The following IVNS1ABP variants were observed in gnomAD, a reference collection of about 807,000 sequenced individuals.
IVNS1ABP encodes the protein influenza virus NS1A-binding protein.
In IVNS1ABP, 25 loss-of-function variants were observed where a neutral mutation model predicts 78.9. The ratio of observed to expected loss-of-function variants is 0.32; its 90% confidence interval spans 0.23 to 0.44. IVNS1ABP has a LOEUF of 0.44. Ranked by LOEUF, IVNS1ABP falls within the 20% of genes least tolerant of loss-of-function variation. The pLI is 1.00. For missense variants in IVNS1ABP, 494 were observed against 768.9 expected, an observed-to-expected ratio of 0.64 and a Z score of 4.23; for synonymous variants, 241 against 259.7, an observed-to-expected ratio of 0.93 and a Z score of 0.69.
chr1:185,310,735 CATG>C (rs1243427854), intron 2 of IVNS1ABP, among the ~76,000 whole-genome samples: 4 of 151,848 alleles, frequency 2.6e-5, no homozygotes, highest in Non-Finnish European at 4.4e-5. Flanking sequence ...ATTAGGCAGT[CATG>C]GTGGTGGCGC....
At chr1:185,301,736 T>A in intron 8 of IVNS1ABP, 173 bp from the exon 9 acceptor site, 1 of 580,164 alleles carries the variant, frequency 1.7e-6, no homozygotes, top group Non-Finnish European at 3.0e-6. Context: ...CTGGCATACT[T>A]CCATCTCCAC....
In IVNS1ABP at chr1:185,305,377, C is replaced by G; in HGVS notation, c.765+159G>C. The G allele has an allele frequency of 3.2e-6, 1 of 309,294 alleles. No individual in the cohort carries two copies. Among genetic ancestry groups the G allele is most frequent in the Non-Finnish European group, 4.7e-6 (1 of 211,984 alleles). The allele number at this position is 309,294 out of a possible 1,614,324, so 19.2% of individuals were successfully genotyped here. On this transcript the variant is annotated intron_variant, in intron 8 of 14. Coordinates refer to ENST00000367498, the MANE Select transcript of IVNS1ABP (RefSeq NM_006469.5). This position sits in a 1 kb window ranked among gnomAD's most constrained non-coding sequence, Gnocchi z 4.0. The stretch of plus-strand genomic sequence containing the variant: ...AATATCTTTTCATGTGGCAAAAATA[C>G]TAACTCTAAGATATGCTTGTTTTCT...
chr1:185,317,081 A>C lies in IVNS1ABP; in HGVS notation c.-375T>G. On this transcript the variant is annotated 5_prime_UTR_variant, in exon 1 of 15. Transcript: ENST00000367498. Reference sequence around the variant, plus strand: ...CGGAAGACGGGAGCGGTCAAGTAGAAGGACGAGGGGCCAGTCCGTGGAGAC... The same window carrying C: ...CGGAAGACGGGAGCGGTCAAGTAGACGGACGAGGGGCCAGTCCGTGGAGAC... 2.5e-6 allele frequency: 1 copy of C among 398,628 alleles called. No individual in the cohort carries two copies. 24.7% of individuals were successfully genotyped at this position (398,628 alleles called of 1,614,324 possible). A position where few individuals can be genotyped will look rare whatever the true frequency, so the allele number is the denominator to read the frequency against.
At chr1:185,315,733 C>A (rs1665999684) in intron 1 of IVNS1ABP, among the ~76,000 whole-genome samples, 1 of 152,182 alleles carries the variant, frequency 6.6e-6, no homozygotes, top group South Asian at 2.1e-4. Flanking sequence ...CTAAATCAAT[C>A]ACTGGTGCTA....
Position 185,308,780 on chromosome 1 carries a change from A to G in IVNS1ABP, c.357+20T>C. ...AAAATAAGACTCCATAAATGATTTT[A>G]TTTACTTCTGATACTCTACCTGCTT... On this transcript the variant is annotated intron_variant, in intron 5 of 14. Transcript: ENST00000367498. The G allele has an allele frequency of 6.4e-7, 1 of 1,563,616 alleles. No individual in the cohort carries two copies. The highest frequency in any genetic ancestry group is 1.1e-5 in the South Asian group (1 of 87,218).
intron 1 of IVNS1ABP, among the ~76,000 whole-genome samples, chr1:185,313,223 ATAT>A (rs1285223881): frequency 2.6e-5 from 4 of 152,196 alleles, no homozygotes; most frequent in African/African-American, 9.6e-5. Context: ...AATTTGTACA[ATAT>A]TATTATGAGT....
intron 11 of IVNS1ABP, 42 bp from the exon 12 acceptor site, chr1:185,300,385 GT>G: frequency 6.2e-7 from 1 of 1,613,412 alleles, no homozygotes; most frequent in Non-Finnish European, 8.5e-7. Context: ...ACATCCTGAA[GT>G]TACGAGGAAA....
intron 1 of IVNS1ABP, among the ~76,000 whole-genome samples, chr1:185,313,628 A>G (rs1002180635): frequency 6.6e-6 from 1 of 152,194 alleles, no homozygotes; most frequent in Admixed American, 6.5e-5. Flanking sequence ...TATTTGGTCT[A>G]TAAAACTCAA....
chr1:185,314,866 G>A (rs552731995), intron 1 of IVNS1ABP, among the ~76,000 whole-genome samples: 3 of 152,256 alleles, frequency 2.0e-5, no homozygotes, highest in African/African-American at 7.2e-5. Flanking sequence ...GAGAAGGGAA[G>A]GAAGGAAAGG....
intron 8 of IVNS1ABP, among the ~76,000 whole-genome samples, chr1:185,302,857 T>C (rs1173087979): frequency 6.6e-6 from 1 of 152,030 alleles, no homozygotes; most frequent in East Asian, 1.9e-4. Flanking sequence ...CCCAAGGCAA[T>C]ACAACTAAAA....
Position 185,308,880 on chromosome 1 carries a change from T to C in IVNS1ABP, c.282-5A>G. 6.2e-7 allele frequency: 1 copy of C among 1,602,084 alleles called. No individual in the cohort carries two copies. Among genetic ancestry groups the C allele is most frequent in the Non-Finnish European group, 8.5e-7 (1 of 1,176,442 alleles). ...AATTCCTTATCTGCTTTCAACCTAT[T>C]TAAAAAAAAAGTTACTTATGATACC... is the stretch of plus-strand genomic sequence containing the variant. On this transcript the variant is annotated splice_polypyrimidine_tract_variant and splice_region_variant and intron_variant, in intron 4 of 14. Transcript: ENST00000367498.
Position 185,307,594 on chromosome 1 carries a change from A to G in IVNS1ABP, c.426T>C (p.Ser142=), listed in dbSNP as rs1665772052. The G allele has an allele frequency of 1.2e-6, 2 of 1,613,566 alleles. No homozygotes were observed. Among genetic ancestry groups the G allele is most frequent in the East Asian group, 4.5e-5 (2 of 44,856 alleles). The part of the protein sequence containing the change: ...TSCISYRNFA[S]CMGDSRLLNK... ...TCAACAAACGGGAGTCTCCCATACA[A>G]CTTGCAAAATTTCGGTAAGAGATGC... is the stretch of plus-strand genomic sequence containing the variant. The change falls in exon 6 of 15, where the codon AGT becomes AGC. Residue 142 remains serine (S), a synonymous_variant. Transcript: ENST00000367498.
At position 185,305,419 on chromosome 1, in the gene IVNS1ABP, T is replaced by C; in HGVS notation, c.765+117A>G. 1 of 1,063,808 alleles carries C rather than the reference T, an allele frequency of 9.4e-7. No homozygotes were observed. The highest frequency in any genetic ancestry group is 1.4e-6 in the Non-Finnish European group (1 of 738,646). 65.9% of individuals were successfully genotyped at this position (1,063,808 alleles called of 1,614,324 possible). A position where few individuals can be genotyped will look rare whatever the true frequency, so the allele number is the denominator to read the frequency against. ...TTGTTTTCTCCCAAAAATGTTTCTGTCCAGTTATACCAATGAAATTGGTCC... is the reference window on the plus strand; with the variant it reads ...TTGTTTTCTCCCAAAAATGTTTCTGCCCAGTTATACCAATGAAATTGGTCC... On this transcript the variant is annotated intron_variant, in intron 8 of 14. Coordinates refer to ENST00000367498, the MANE Select transcript of IVNS1ABP (RefSeq NM_006469.5). The surrounding 1 kb of genome is among the most constrained non-coding windows in gnomAD (Gnocchi z 4.0).
intron 7 of IVNS1ABP, 127 bp downstream of exon 7, chr1:185,306,886 AG>A (rs1665752715): frequency 1.0e-6 from 1 of 999,680 alleles, no homozygotes; most frequent in African/African-American, 1.6e-5. Flanking sequence ...TTCTCAGCTT[AG>A]GGGTACCTAT....
intron 8 of IVNS1ABP, among the ~76,000 whole-genome samples, chr1:185,302,262 A>C (rs1665621347): frequency 6.6e-6 from 1 of 152,182 alleles, no homozygotes; most frequent in Admixed American, 6.5e-5. Context: ...AGAAATGAAC[A>C]AAGCTGCCAA....
Position 185,301,579 on chromosome 1 carries a change from G to T in IVNS1ABP, c.766-16C>A. The T allele has an allele frequency of 6.2e-7, 1 of 1,612,256 alleles. No individual in the cohort carries two copies. ...GTGGCTTTTTCTGCAAAATCAAAAG[G>T]TAGCTACAGAAACCTAGCCAAAGAC... On this transcript the variant is annotated splice_polypyrimidine_tract_variant and intron_variant, in intron 8 of 14. Coordinates refer to ENST00000367498, the MANE Select transcript of IVNS1ABP (RefSeq NM_006469.5).
rs552445139 is a variant in IVNS1ABP at position 185,304,221 on chromosome 1, G to A, written c.765+1315C>T. ...GTATTGTTTTGCCCACTCTTAGAAG[G>A]TCCTACAAGCAGAAACTGTCTCTTA... On this transcript the variant is annotated intron_variant, in intron 8 of 14. Transcript: ENST00000367498. 1.6e-4 allele frequency among the ~76,000 whole-genome samples: 25 copies of A among 152,062 alleles called. No homozygotes were observed. In the South Asian group the frequency reaches 5.0e-3, roughly 30 times the overall value.
At chr1:185,314,885 G>A (rs918201951) in intron 1 of IVNS1ABP, among the ~76,000 whole-genome samples, 3 of 151,936 alleles carry the variant, frequency 2.0e-5, no homozygotes, top group Non-Finnish European at 4.4e-5. Context: ...GGAAGAATTT[G>A]GTTTGAGACG....
chr1:185,315,966 C>G (rs1470701027), intron 1 of IVNS1ABP, among the ~76,000 whole-genome samples: 1 of 152,150 alleles, frequency 6.6e-6, no homozygotes, highest in Non-Finnish European at 1.5e-5. Context: ...CTTGAAATGT[C>G]AGCTGTCTCA....
Sources: allele counts gnomAD v4.1 joint callset (sites outside exome capture counted in the v4.1 genomes callset), GRCh38; gene constraint gnomAD v4.1.1; non-coding constraint Gnocchi (gnomAD v3.1); transcripts MANE v1.5; gene names NCBI Gene and HGNC (gene_info 2026-07-23, HGNC 2026-07-21).